The following TES variants were observed in gnomAD, a reference collection of about 807,000 sequenced individuals.
TES encodes the protein testin LIM domain protein, also known as testin.
Under a neutral mutation model 48.2 loss-of-function variants are expected in TES, and 41 were observed. The observed-to-expected ratio is 0.85, with a 90% CI of 0.66 to 1.10. The LOEUF is 1.10. TES is among the 50% of genes least tolerant of loss of function. The probability of loss-of-function intolerance (pLI) is 0.00; values close to 1 mark genes in which losing one functional copy is unlikely to be tolerated. For synonymous variants in TES, 162 were observed against 174.9 expected (o/e 0.93, Z 0.58); for missense variants, 463 against 515.1 (o/e 0.90, Z 0.98).
chr7:116,238,759 C>T (rs957196778), intron 2 of TES, among the ~76,000 whole-genome samples: 1 of 151,956 alleles, frequency 6.6e-6, no homozygotes, highest in African/African-American at 2.4e-5. Flanking sequence ...GCCACCACGC[C>T]CAGCTAATTT....
intron 1 of TES, among the ~76,000 whole-genome samples, chr7:116,222,585 T>A (rs1415314659): frequency 6.6e-6 from 1 of 152,206 alleles, no homozygotes; most frequent in African/African-American, 2.4e-5. Context: ...TACCATAGCC[T>A]TTAGGCATCG....
At chr7:116,215,958 C>T (rs1163712429) in intron 1 of TES, among the ~76,000 whole-genome samples, 1 of 152,094 alleles carries the variant, frequency 6.6e-6, no homozygotes, top group East Asian at 1.9e-4. Flanking sequence ...ATTCTTCATG[C>T]AAAAACATTT....
intron 2 of TES, 99 bp from the exon 3 acceptor site, chr7:116,248,921 A>G (rs1799962818): frequency 7.9e-7 from 1 of 1,265,028 alleles, no homozygotes; most frequent in Non-Finnish European, 1.1e-6. Context: ...ATACCATGAT[A>G]TAGAATAGGC....
At chr7:116,223,878 A>G (rs895266809) in intron 1 of TES, among the ~76,000 whole-genome samples, 1 of 152,226 alleles carries the variant, frequency 6.6e-6, no homozygotes, top group Admixed American at 6.5e-5. Context: ...CAAAACAGAA[A>G]AGAGGATATA....
chr7:116,229,646 C>T (rs1236797051), intron 1 of TES, among the ~76,000 whole-genome samples: 1 of 152,120 alleles, frequency 6.6e-6, no homozygotes, highest in African/African-American at 2.4e-5. Context: ...CATATGCTTC[C>T]CTTCATCTGA....
intron 1 of TES, among the ~76,000 whole-genome samples, chr7:116,218,293 C>T (rs975543583): frequency 1.2e-5 from 1 of 85,386 alleles, no homozygotes; most frequent in Admixed American, 1.4e-4. Context: ...ATCTGAGCAG[C>T]GAGCCCAGCA....
At position 116,251,757 on chromosome 7, in the gene TES, C is replaced by T. The variant is rs1270331906; in HGVS notation, c.703-3C>T. ...AGGTTGTTCTGGATGGCTTCCCTTT[C>T]AGTCCTGCTATTGCTGCAAACTGAG... On this transcript the variant is annotated splice_polypyrimidine_tract_variant and splice_region_variant and intron_variant, in intron 4 of 6. Coordinates refer to ENST00000358204, the MANE Select transcript of TES (RefSeq NM_015641.4). The T allele has an allele frequency of 1.9e-6, 3 of 1,613,652 alleles. No individual in the cohort carries two copies. Among genetic ancestry groups the T allele is most frequent in the Non-Finnish European group, 2.5e-6 (3 of 1,179,790 alleles).
At chr7:116,219,068 T>C (rs529202545) in intron 1 of TES, among the ~76,000 whole-genome samples, 2 of 152,250 alleles carry the variant, frequency 1.3e-5, no homozygotes, top group South Asian at 2.1e-4. Flanking sequence ...ACAACTGTTA[T>C]GAAGTCTTAG....
chr7:116,236,978 A>G (rs1799780571), intron 2 of TES, among the ~76,000 whole-genome samples: 1 of 152,166 alleles, frequency 6.6e-6, no homozygotes, highest in Non-Finnish European at 1.5e-5. Context: ...GTCCAGTCAC[A>G]TTTCTCTCAG....
At chr7:116,214,706 C>G (rs936811358) in intron 1 of TES, among the ~76,000 whole-genome samples, 2 of 152,114 alleles carry the variant, frequency 1.3e-5, no homozygotes, top group African/African-American at 4.8e-5. Flanking sequence ...TTATGCTGTC[C>G]TATGAAGTAG....
intron 3 of TES, 69 bp from the exon 4 acceptor site, chr7:116,250,092 A>T (rs951127651): frequency 8.3e-5 from 110 of 1,320,346 alleles, no homozygotes; most frequent in South Asian, 4.8e-4. Context: ...CTTGCTTCTG[A>T]TGTGTGTTAT....
chr7:116,240,052 CTGAT>C (rs1799824836), intron 2 of TES, among the ~76,000 whole-genome samples: 1 of 152,110 alleles, frequency 6.6e-6, no homozygotes. Flanking sequence ...TTCAGAATTT[CTGAT>C]TGATTTAGAG....
chr7:116,240,310 A>G (rs1490118082), intron 2 of TES, among the ~76,000 whole-genome samples: 2 of 152,232 alleles, frequency 1.3e-5, no homozygotes, highest in African/African-American at 2.4e-5. Flanking sequence ...AGTTTTACAA[A>G]TAGTGATACA....
At chr7:116,254,756 A>ATGTG (rs528007110) in intron 6 of TES, among the ~76,000 whole-genome samples, 11,142 of 142,842 alleles carry the variant, frequency 0.078, 487 homozygotes, top group Middle Eastern at 0.12. Flanking sequence ...AAATATATAT[A>ATGTG]TATGTGTGTG....
Position 116,249,187 on chromosome 7 carries a change from T to C in TES, c.281T>C (p.Leu94Ser), listed in dbSNP as rs767994570. 1.2e-6 allele frequency: 2 copies of C among 1,613,992 alleles called. No homozygotes were observed. The highest frequency in any genetic ancestry group is 2.7e-5 in the African/African-American group (2 of 74,934). ...ATGTATAAACGCAATGTTATGATAT[T>C]GACGAATCCAGTTGCTGCCAAGAAG... Reference protein sequence around the residue: ...IPMYKRNVMILTNPVAAKKNV... With the variant: ...IPMYKRNVMISTNPVAAKKNV... Residue 94 changes from leucine (L) to serine (S), a missense_variant, in exon 3 of 7, where the codon TTG (leucine) becomes TCG (serine). Leu to Ser is a moderately radical substitution (Grantham distance 145). Coordinates refer to ENST00000358204, the MANE Select transcript of TES (RefSeq NM_015641.4).
rs999081588 is a variant in TES, at chr7:116,257,648, G to A, written c.*166G>A. The A allele has an allele frequency of 1.6e-5, 9 of 551,406 alleles. No individual in the cohort carries two copies. Among genetic ancestry groups the A allele is most frequent in the Admixed American group, 7.8e-5 (2 of 25,806 alleles). 34.2% of individuals were successfully genotyped at this position (551,406 alleles called of 1,614,324 possible). A position where few individuals can be genotyped will look rare whatever the true frequency, so the allele number is the denominator to read the frequency against. On this transcript the variant is annotated 3_prime_UTR_variant, in exon 7 of 7. Coordinates refer to ENST00000358204, the MANE Select transcript of TES (RefSeq NM_015641.4). ...ATTTTTTCTTCATCAATTTTTTTTCGGTCTCAACTTTTAAACTTGGTTTAA... is the reference window on the plus strand; with the variant it reads ...ATTTTTTCTTCATCAATTTTTTTTCAGTCTCAACTTTTAAACTTGGTTTAA...
chr7:116,228,556 A>G (rs1799653802), intron 1 of TES, among the ~76,000 whole-genome samples: 1 of 152,180 alleles, frequency 6.6e-6, no homozygotes, highest in African/African-American at 2.4e-5. Flanking sequence ...TACTGTTGAA[A>G]TTATGTTAAA....
intron 1 of TES, among the ~76,000 whole-genome samples, chr7:116,232,118 G>GA (rs1799708198): frequency 6.6e-6 from 1 of 152,130 alleles, no homozygotes. Flanking sequence ...CAGAAATAGT[G>GA]AATGAGATGG....
intron 1 of TES, among the ~76,000 whole-genome samples, chr7:116,215,174 C>A (rs1174847172): frequency 6.6e-6 from 1 of 152,160 alleles, no homozygotes; most frequent in African/African-American, 2.4e-5. Context: ...CTATAGAGAA[C>A]TTTACTATGA....
Sources: gnomAD v4.1 joint callset for allele counts (sites outside exome capture counted in the v4.1 genomes callset) on GRCh38, gnomAD v4.1.1 for gene constraint, MANE v1.5 for transcripts, NCBI Gene and HGNC (gene_info 2026-07-23, HGNC 2026-07-21) for gene names.